The following MYCBP2 variants were observed in gnomAD, a reference collection of about 807,000 sequenced individuals.
MYCBP2 encodes E3 ubiquitin-protein ligase MYCBP2.
MYCBP2 carries 120 observed loss-of-function variants against 525.3 expected under a neutral mutation model. That is an observed-to-expected ratio of 0.23 (90% CI 0.20 to 0.27). The LOEUF is 0.27. Among genes scored for constraint, MYCBP2 ranks in the 10% least tolerant of loss-of-function variants. The pLI, the probability that MYCBP2 is intolerant of heterozygous loss-of-function variation, is 1.00. For missense variants in MYCBP2, 4,149 were observed against 5,657.1 expected (o/e 0.73, Z 8.55); for synonymous variants, 1,894 against 1,955.8 (o/e 0.97, Z 0.83).
intron 56 of MYCBP2, 33 bp downstream of exon 56, chr13:77,097,336 AG>A: frequency 6.5e-7 from 1 of 1,546,410 alleles, no homozygotes. Flanking sequence ...TAAAGAAAAA[AG>A]CACTTATACG....
At chr13:77,104,927 A>G (rs1232437519) in intron 55 of MYCBP2, among the ~76,000 whole-genome samples, 1 of 152,128 alleles carries the variant, frequency 6.6e-6, no homozygotes, top group Non-Finnish European at 1.5e-5. Flanking sequence ...ATTTTGAACA[A>G]ATCTATAAAC....
At chr13:77,316,633 G>A (rs956141635) in intron 1 of MYCBP2, among the ~76,000 whole-genome samples, 10 of 146,792 alleles carry the variant, frequency 6.8e-5, no homozygotes, top group Admixed American at 5.4e-4. Flanking sequence ...ACTTTCCAGA[G>A]GAAGGAAAGT....
intron 47 of MYCBP2, 102 bp downstream of exon 47, chr13:77,150,632 C>T: frequency 3.3e-6 from 3 of 903,920 alleles, no homozygotes; most frequent in Non-Finnish European, 5.2e-6. Context: ...ATCAAATGCT[C>T]TTTGGACTTA....
intron 1 of MYCBP2, among the ~76,000 whole-genome samples, chr13:77,309,827 T>C (rs1182125217): frequency 6.6e-6 from 1 of 152,186 alleles, no homozygotes; most frequent in African/African-American, 2.4e-5. Flanking sequence ...TAAAAACCTA[T>C]GATTGGCTGG....
chr13:77,186,802 ATT>A (rs5804893), intron 30 of MYCBP2, among the ~76,000 whole-genome samples: 141 of 120,438 alleles, frequency 1.2e-3, no homozygotes, highest in Middle Eastern at 4.4e-3. Flanking sequence ...TATAGATTCA[ATT>A]TTTTTTTTTT....
Position 77,144,395 on chromosome 13 carries a change from G to C in MYCBP2, c.7303+50C>G, listed in dbSNP as rs370846515. 3.2e-6 allele frequency: 4 copies of C among 1,259,808 alleles called. No individual in the cohort carries two copies. The African/African-American group carries it at 5.9e-5, about 19-fold the overall frequency. 78.0% of individuals were successfully genotyped at this position (1,259,808 alleles called of 1,614,324 possible). On this transcript the variant is annotated intron_variant, in intron 49 of 82. Coordinates refer to ENST00000544440, the MANE Select transcript of MYCBP2 (RefSeq NM_015057.5). ...AAAACTAGAAGATAAAAATAATTTT[G>C]ACTCTAGTTATTTGAAGTAAGTAGT...
At chr13:77,117,559 C>A (rs1175920677) in intron 55 of MYCBP2, among the ~76,000 whole-genome samples, 1 of 152,076 alleles carries the variant, frequency 6.6e-6, no homozygotes, top group Admixed American at 6.6e-5. Flanking sequence ...ATGTACTTTA[C>A]CAAAGCAAAG....
In MYCBP2 at chr13:77,076,775, A is replaced by C. The variant is rs768329905; in HGVS notation, c.11799T>G (p.Pro3933=). The part of the protein sequence containing the change: ...EQEEKALLSS[P]EGEEKVYNAT... The stretch of plus-strand genomic sequence containing the variant: ...CATTGTATACTTTTTCTTCTCCTTC[A>C]GGTGATGACAATAGTGCTTTTTCCT... Residue 3933 remains proline (P), a synonymous_variant, in exon 68 of 83, where the codon CCT becomes CCG. Transcript: ENST00000544440. The C allele has an allele frequency of 1.2e-6, 2 of 1,608,510 alleles. No homozygotes were observed. Among genetic ancestry groups the C allele is most frequent in the Admixed American group, 3.3e-5 (2 of 59,804 alleles).
intron 30 of MYCBP2, 64 bp downstream of exon 30, chr13:77,188,887 C>G (rs1318647287): frequency 2.6e-6 from 3 of 1,144,904 alleles, no homozygotes; most frequent in Non-Finnish European, 2.4e-6. Flanking sequence ...CAGCTAAACT[C>G]TAAACATCAA....
At chr13:77,195,273 G>A (rs970893928) in intron 26 of MYCBP2, among the ~76,000 whole-genome samples, 3 of 152,004 alleles carry the variant, frequency 2.0e-5, no homozygotes, top group Non-Finnish European at 4.4e-5. Flanking sequence ...CTGGTTAATG[G>A]TCTTTCATTC....
intron 15 of MYCBP2, among the ~76,000 whole-genome samples, chr13:77,246,462 AAGAAGAAAGAAG>A (rs894762528): frequency 2.6e-5 from 4 of 151,958 alleles, no homozygotes; most frequent in East Asian, 1.9e-4. Context: ...GAAGAAAAAG[AAGAAGAAAGAAG>A]AGAAGAAAGA....
intron 46 of MYCBP2, among the ~76,000 whole-genome samples, chr13:77,155,262 G>A (rs2057068862): frequency 6.6e-6 from 1 of 152,088 alleles, no homozygotes; most frequent in Admixed American, 6.6e-5. Flanking sequence ...AAGAATGCAT[G>A]AAGTAGTTGA....
At chr13:77,297,143 A>AC (rs2078277027) in intron 1 of MYCBP2, among the ~76,000 whole-genome samples, 3 of 152,244 alleles carry the variant, frequency 2.0e-5, no homozygotes, top group Admixed American at 2.0e-4. Context: ...GCCAGTCTGG[A>AC]TACTTCATTA....
At chr13:77,174,513 T>C (rs752996730) in intron 36 of MYCBP2, 24 bp from the exon 37 acceptor site, 195 of 1,595,216 alleles carry the variant, frequency 1.2e-4, no homozygotes, top group Non-Finnish European at 1.6e-4. Context: ...ATGTAAAACA[T>C]CTTTTATTCA....
intron 55 of MYCBP2, chr13:77,103,136 G>C (rs146740296): frequency 1.3e-5 from 5 of 395,758 alleles, no homozygotes; most frequent in African/African-American, 1.0e-4. Context: ...TGACTGAGAC[G>C]AACGGAAACA....
chr13:77,094,207 C>T (rs2045886338), intron 58 of MYCBP2, among the ~76,000 whole-genome samples: 1 of 152,114 alleles, frequency 6.6e-6, no homozygotes, highest in Admixed American at 6.5e-5. Context: ...GTCGGCAAGC[C>T]ATGTCAGTGG....
chr13:77,172,335 C>T (rs930236828), intron 37 of MYCBP2, among the ~76,000 whole-genome samples: 27 of 151,866 alleles, frequency 1.8e-4, no homozygotes, highest in African/African-American at 6.3e-4. Context: ...AAGAGTGAAG[C>T]GTGATGGGTG....
intron 3 of MYCBP2, among the ~76,000 whole-genome samples, chr13:77,286,738 AG>A (rs1314789901): frequency 1.0e-5 from 1 of 98,812 alleles, no homozygotes; most frequent in African/African-American, 4.1e-5. Flanking sequence ...CCTGGGCAAC[AG>A]AGCTAGACTC....
Position 77,192,679 on chromosome 13 carries a change from A to G in MYCBP2, c.3936-866T>C, listed in dbSNP as rs528056224. ...AAGACAGCTGTAGAAGAGTAGTGGTAGAAAGTCAAAAAAGATGCTGGATGT... is the reference window on the plus strand; with the variant it reads ...AAGACAGCTGTAGAAGAGTAGTGGTGGAAAGTCAAAAAAGATGCTGGATGT... On this transcript the variant is annotated intron_variant, in intron 27 of 82. Coordinates refer to ENST00000544440, the MANE Select transcript of MYCBP2 (RefSeq NM_015057.5). Among the ~76,000 whole-genome samples the G allele has an allele frequency of 4.3e-4, 66 of 152,336 alleles. 1 individual carries two copies. Among genetic ancestry groups the G allele is most frequent in the Admixed American group, 4.3e-3 (66 of 15,300 alleles).
Sources: gnomAD v4.1 joint callset for allele counts (sites outside exome capture counted in the v4.1 genomes callset) on GRCh38, gnomAD v4.1.1 for gene constraint, MANE v1.5 for transcripts, NCBI Gene and HGNC (gene_info 2026-07-23, HGNC 2026-07-21) for gene names.